The following KCNJ6 variants were observed in gnomAD, a reference collection of about 807,000 sequenced individuals.
KCNJ6 encodes the protein potassium inwardly rectifying channel subfamily J member 6, also known as G protein-activated inward rectifier potassium channel 2.
A neutral mutation model predicts 34.2 loss-of-function variants in KCNJ6; 9 were observed. That is an observed-to-expected ratio of 0.26 (90% CI 0.16 to 0.46). KCNJ6 has a LOEUF of 0.46. Among genes scored for constraint, KCNJ6 ranks in the 20% least tolerant of loss-of-function variants. The probability of loss-of-function intolerance (pLI) is 1.00; values close to 1 mark genes in which losing one functional copy is unlikely to be tolerated. For synonymous variants in KCNJ6, 196 were observed against 207.1 expected (o/e 0.95, Z 0.46); for missense variants, 236 against 531.3 (o/e 0.44, Z 5.46).
chr21:37,866,904 T>G (rs2123608359), intron 1 of KCNJ6, among the ~76,000 whole-genome samples: 1 of 152,368 alleles, frequency 6.6e-6, no homozygotes, highest in East Asian at 1.9e-4. Context: ...CTAGGTTTTC[T>G]GATTCTAGCT....
intron 1 of KCNJ6, among the ~76,000 whole-genome samples, chr21:37,851,742 ATTT>A (rs201274621): frequency 6.7e-6 from 1 of 149,254 alleles, no homozygotes. Context: ...ATGCAGATTG[ATTT>A]TTTTTTTCCT....
intron 1 of KCNJ6, among the ~76,000 whole-genome samples, chr21:37,900,704 C>T (rs2055812694): frequency 6.6e-6 from 1 of 151,968 alleles, no homozygotes; most frequent in South Asian, 2.1e-4. Flanking sequence ...AAAGGACATC[C>T]AAGGCAGCAG....
intron 2 of KCNJ6, among the ~76,000 whole-genome samples, chr21:37,739,092 T>C (rs1279256873): frequency 6.6e-6 from 1 of 152,190 alleles, no homozygotes; most frequent in African/African-American, 2.4e-5. Flanking sequence ...GCAGTAAGTG[T>C]TAAACACACA....
chr21:37,649,791 C>T (rs533228091), intron 3 of KCNJ6, among the ~76,000 whole-genome samples: 10 of 152,314 alleles, frequency 6.6e-5, no homozygotes, highest in East Asian at 1.9e-4. Flanking sequence ...CTCGCTCTGT[C>T]GCCCTGGCTG....
intron 2 of KCNJ6, among the ~76,000 whole-genome samples, chr21:37,825,672 C>A (rs1373053875): frequency 6.6e-6 from 1 of 152,100 alleles, no homozygotes; most frequent in Non-Finnish European, 1.5e-5. Flanking sequence ...TTCCACACTG[C>A]TAATAACAAC....
At chr21:37,894,346 T>C (rs1462049658) in intron 1 of KCNJ6, among the ~76,000 whole-genome samples, 1 of 152,180 alleles carries the variant, frequency 6.6e-6, no homozygotes, top group East Asian at 1.9e-4. Flanking sequence ...CATTGAGGTT[T>C]GAGAAACACT....
chr21:37,655,211 GTGTGTGTGTGTGTGAGAGAGAGAGA>G, intron 3 of KCNJ6, among the ~76,000 whole-genome samples: 1 of 58,998 alleles, frequency 1.7e-5, no homozygotes, highest in African/African-American at 5.0e-5. Flanking sequence ...GTGTGTGTGT[GTGTGTGTGTGTGTGAGAGAGAGAGA>G]GAGAGAGAGA....
chr21:37,730,799 T>G (rs1023121245), intron 2 of KCNJ6, among the ~76,000 whole-genome samples: 1 of 152,172 alleles, frequency 6.6e-6, no homozygotes, highest in Non-Finnish European at 1.5e-5. Context: ...GTGGCTGGAC[T>G]AATTGGCAAA....
In KCNJ6 at chr21:37,783,236, G is replaced by A. The variant is rs1375220432; in HGVS notation, c.25+57422C>T. 3.9e-5 allele frequency among the ~76,000 whole-genome samples: 6 copies of A among 152,166 alleles called. No individual in the cohort carries two copies. The East Asian group carries it at 1.2e-3, about 29-fold the overall frequency. On this transcript the variant is annotated intron_variant, in intron 2 of 3. Coordinates refer to ENST00000609713, the MANE Select transcript of KCNJ6 (RefSeq NM_002240.5). Reference sequence around the variant, plus strand: ...GCAGAAGCTAACCACGGATGAGGGCGTGCATCAGCAAAATATCTGTGTGGT... The same window carrying A: ...GCAGAAGCTAACCACGGATGAGGGCATGCATCAGCAAAATATCTGTGTGGT...
At chr21:37,814,767 G>A (rs1467722836) in intron 2 of KCNJ6, among the ~76,000 whole-genome samples, 2 of 151,870 alleles carry the variant, frequency 1.3e-5, no homozygotes, top group Non-Finnish European at 1.5e-5. Context: ...GCGTGGTGGC[G>A]GGCGCCTGTA....
intron 2 of KCNJ6, among the ~76,000 whole-genome samples, chr21:37,804,439 T>G (rs777362961): frequency 6.6e-6 from 1 of 152,230 alleles, no homozygotes; most frequent in Non-Finnish European, 1.5e-5. Flanking sequence ...AACTTTATTT[T>G]AATTTCAGGG....
Position 37,608,891 on chromosome 21 carries a change from T to TA in KCNJ6, c.*16267dup, listed in dbSNP as rs2054233376. The TA allele has an allele frequency of 6.6e-6, 1 of 152,232 alleles. No homozygotes were observed. Among genetic ancestry groups the TA allele is most frequent in the Admixed American group, 6.5e-5 (1 of 15,282 alleles). The allele number at this position is 152,232 out of a possible 1,614,324, so 9.4% of individuals were successfully genotyped here. ...GCAAGTGAATACACATTTGGAGTAA[T>TA]AAAATATGGGGCATCAGCTAACTTT... On this transcript the variant is annotated 3_prime_UTR_variant, in exon 4 of 4. Transcript: ENST00000609713.
At chr21:37,729,369 G>A (rs940596075) in intron 2 of KCNJ6, among the ~76,000 whole-genome samples, 41 of 151,976 alleles carry the variant, frequency 2.7e-4, no homozygotes, top group African/African-American at 9.7e-4. Flanking sequence ...TGTCACCCAG[G>A]CTGGAGTGCA....
intron 2 of KCNJ6, among the ~76,000 whole-genome samples, chr21:37,757,792 T>C (rs2055038582): frequency 6.6e-6 from 1 of 152,274 alleles, no homozygotes; most frequent in South Asian, 2.1e-4. Flanking sequence ...AACACCATTT[T>C]GACTTGCATG....
chr21:37,810,767 C>T (rs979550518), intron 2 of KCNJ6, among the ~76,000 whole-genome samples: 2 of 152,142 alleles, frequency 1.3e-5, no homozygotes, highest in East Asian at 3.8e-4. Context: ...ATAAGATATA[C>T]ATATTGTATT....
At chr21:37,833,678 A>G (rs1229225991) in intron 2 of KCNJ6, among the ~76,000 whole-genome samples, 2 of 152,172 alleles carry the variant, frequency 1.3e-5, no homozygotes, top group African/African-American at 4.8e-5. Context: ...GTGTGTGCAT[A>G]TGCATGTACA....
intron 3 of KCNJ6, among the ~76,000 whole-genome samples, chr21:37,678,716 A>G (rs999970161): frequency 6.6e-5 from 10 of 152,240 alleles, no homozygotes; most frequent in Non-Finnish European, 7.3e-5. Context: ...GGGTGGATAA[A>G]TAAATAGAAA....
At chr21:37,651,029 C>T (rs545093243) in intron 3 of KCNJ6, among the ~76,000 whole-genome samples, 33 of 152,318 alleles carry the variant, frequency 2.2e-4, no homozygotes, top group African/African-American at 7.7e-4. Flanking sequence ...ACCTTCTCCT[C>T]CTAAAACTTA....
At chr21:37,819,762 T>G (rs1231034089) in intron 2 of KCNJ6, among the ~76,000 whole-genome samples, 1 of 151,862 alleles carries the variant, frequency 6.6e-6, no homozygotes, top group African/African-American at 2.4e-5. Context: ...AAAGACTTCA[T>G]GGCTATCACA....
Sources: gnomAD v4.1 joint callset for allele counts (sites outside exome capture counted in the v4.1 genomes callset) on GRCh38, gnomAD v4.1.1 for gene constraint, MANE v1.5 for transcripts, NCBI Gene and HGNC (gene_info 2026-07-23, HGNC 2026-07-21) for gene names.